Variants in NCKAP5 observed in about 807,000 individuals in gnomAD.
NCKAP5 encodes the protein nck-associated protein 5.
Under a neutral mutation model 167.0 loss-of-function variants are expected in NCKAP5, and 92 were observed. The ratio of observed to expected loss-of-function variants is 0.55; its 90% CI spans 0.47 to 0.66. The LOEUF (loss-of-function observed/expected upper bound fraction) is 0.66, where lower values mean the gene tolerates loss of function less well. Among genes scored for constraint, NCKAP5 ranks in the 30% least tolerant of loss-of-function variants. NCKAP5 has a pLI of 0.00. For missense variants in NCKAP5, 2,378 were observed against 2,315.0 expected, an observed-to-expected ratio of 1.03 and a Z score of -0.56; for synonymous variants, 891 against 877.4, an observed-to-expected ratio of 1.02 and a Z score of -0.27.
intron 17 of NCKAP5, among the ~76,000 whole-genome samples, chr2:132,731,033 A>C (rs1451482067): frequency 1.3e-5 from 2 of 152,222 alleles, no homozygotes; most frequent in African/African-American, 2.4e-5. Flanking sequence ...TGTTCGATTT[A>C]AAGTTTTAGT....
At chr2:133,304,547 T>C (rs1680635587) in intron 3 of NCKAP5, among the ~76,000 whole-genome samples, 1 of 152,214 alleles carries the variant, frequency 6.6e-6, no homozygotes, top group African/African-American at 2.4e-5. Flanking sequence ...ACATACATGG[T>C]TACGCTTTTA....
chr2:133,622,295 C>A, the NCKAP5 span, among the ~76,000 whole-genome samples: 1 of 151,926 alleles, frequency 6.6e-6, no homozygotes, highest in African/African-American at 2.4e-5. Flanking sequence ...AGCAATCAGA[C>A]AAGAGAAAGA....
chr2:133,399,084 C>T (rs1224137214), intron 3 of NCKAP5, among the ~76,000 whole-genome samples: 6 of 152,152 alleles, frequency 3.9e-5, no homozygotes, highest in Non-Finnish European at 5.9e-5. Flanking sequence ...GGCCGCTGCT[C>T]GGCAGATGCA....
chr2:133,115,103 T>C (rs1020094530), intron 6 of NCKAP5, among the ~76,000 whole-genome samples: 1 of 152,172 alleles, frequency 6.6e-6, no homozygotes, highest in Non-Finnish European at 1.5e-5. Flanking sequence ...AAATAAAAAG[T>C]TGGTTTCCTA....
intron 2 of NCKAP5, chr2:133,554,365 A>G (rs1002827641): frequency 1.3e-5 from 2 of 152,206 alleles, no homozygotes; most frequent in Admixed American, 1.3e-4. Context: ...CCTGGATCTT[A>G]GTTTCCATCT....
the NCKAP5 span, among the ~76,000 whole-genome samples, chr2:133,665,013 G>A: frequency 2.2e-3 from 339 of 152,292 alleles, 1 homozygote; most frequent in Middle Eastern, 3.4e-3. Context: ...TCATAGAGTT[G>A]AGGAGAATTA....
chr2:132,990,971 T>C (rs1408476746), intron 7 of NCKAP5, among the ~76,000 whole-genome samples: 4 of 152,214 alleles, frequency 2.6e-5, no homozygotes, highest in Admixed American at 2.6e-4. Flanking sequence ...GAAAGAGCTC[T>C]AGATAGAAAG....
intron 16 of NCKAP5, among the ~76,000 whole-genome samples, chr2:132,771,839 A>ATTTTTTTTTTTTTTTT (rs70973406): frequency 9.9e-6 from 1 of 100,762 alleles, no homozygotes. Context: ...CGCCCGGCTA[A>ATTTTTTTTTTTTTTTT]TTTTTTTTTT....
chr2:133,103,108 A>G (rs1157052167), intron 6 of NCKAP5, among the ~76,000 whole-genome samples: 1 of 152,200 alleles, frequency 6.6e-6, no homozygotes, highest in Admixed American at 6.5e-5. Flanking sequence ...GCTTTCCCTT[A>G]GCAATCTCAT....
chr2:133,386,472 G>C (rs1686975264), intron 3 of NCKAP5, among the ~76,000 whole-genome samples: 1 of 152,162 alleles, frequency 6.6e-6, no homozygotes, highest in African/African-American at 2.4e-5. Context: ...TTCCAACTAT[G>C]TGGACAATTT....
intron 11 of NCKAP5, among the ~76,000 whole-genome samples, chr2:132,844,210 T>C (rs940203348): frequency 6.6e-6 from 1 of 152,188 alleles, no homozygotes; most frequent in African/African-American, 2.4e-5. Context: ...CATGTATGCA[T>C]ATATTTTTTC....
intron 5 of NCKAP5, among the ~76,000 whole-genome samples, chr2:133,204,279 A>G (rs2150134328): frequency 6.6e-6 from 1 of 152,342 alleles, no homozygotes; most frequent in Non-Finnish European, 1.5e-5. Context: ...AAAATGAGAC[A>G]TCAGTTAATA....
chr2:133,650,738 C>T, the NCKAP5 span, among the ~76,000 whole-genome samples: 6 of 151,916 alleles, frequency 3.9e-5, no homozygotes, highest in Admixed American at 3.9e-4. Context: ...GAAAAATAGC[C>T]ACACGTGGTG....
chr2:133,614,181 C>T, the NCKAP5 span, among the ~76,000 whole-genome samples: 1 of 152,174 alleles, frequency 6.6e-6, no homozygotes, highest in Admixed American at 6.5e-5. Context: ...AGCCCGCTTG[C>T]TTTCTCAACA....
intron 8 of NCKAP5, among the ~76,000 whole-genome samples, chr2:132,958,997 A>T (rs2076423514): frequency 6.7e-6 from 1 of 149,502 alleles, no homozygotes; most frequent in Non-Finnish European, 1.5e-5. Context: ...TGCAAAGAAC[A>T]CGTTTGGCCC....
chr2:133,393,049 G>C (rs1397813530), intron 3 of NCKAP5, among the ~76,000 whole-genome samples: 1 of 152,200 alleles, frequency 6.6e-6, no homozygotes, highest in Non-Finnish European at 1.5e-5. Context: ...CTGGTTTGCT[G>C]AATCAAGAGC....
chr2:132,989,445 C>T (rs1345566848), intron 7 of NCKAP5, among the ~76,000 whole-genome samples: 2 of 152,192 alleles, frequency 1.3e-5, no homozygotes, highest in East Asian at 1.9e-4. Flanking sequence ...AGTGGGGACC[C>T]GGGAGGTGCT....
Position 132,784,160 on chromosome 2 carries a change from CAG to C in NCKAP5, c.2649_2650del (p.Asp883GlufsTer19). On this transcript the variant is annotated frameshift_variant, in exon 14 of 20. Transcript: ENST00000409261. LOFTEE classifies it high-confidence loss of function. The stretch of plus-strand genomic sequence containing the variant: ...AGTCTGACTCTTGGGGCACTGGACC[CAG>C]TCCCTCCTGCTGGGCATCCTGGAGC... 1 of 1,533,746 alleles carries C rather than the reference CAG, an allele frequency of 6.5e-7. No individual in the cohort carries two copies. Among genetic ancestry groups the C allele is most frequent in the Non-Finnish European group, 8.7e-7 (1 of 1,143,254 alleles).
chr2:133,074,264 C>A lies in NCKAP5; in HGVS notation c.341+55714G>T, dbSNP rs78976511. Among the ~76,000 whole-genome samples the A allele has an allele frequency of 5.9e-3, 899 of 151,580 alleles. 3 individuals carry two copies. Among genetic ancestry groups the A allele is most frequent in the African/African-American group, 0.021 (849 of 41,282 alleles). ...GAGGCATTAGCCAAAGAATTGAAAG[C>A]AGCTTTTGTAATGATATTCCATGAA... On this transcript the variant is annotated intron_variant, in intron 6 of 19. Transcript: ENST00000409261.
Sources: gnomAD v4.1 joint callset for allele counts (sites outside exome capture counted in the v4.1 genomes callset) on GRCh38, gnomAD v4.1.1 for gene constraint, MANE v1.5 for transcripts, NCBI Gene and HGNC (gene_info 2026-07-23, HGNC 2026-07-21) for gene names.